ADAMTSL1: variants seen among roughly 807,000 people sequenced by gnomAD.
ADAMTSL1 encodes ADAMTS like 1, also known as ADAMTS-like protein 1.
Under a neutral mutation model 201.8 loss-of-function variants are expected in ADAMTSL1, and 126 were observed. The ratio of observed to expected loss-of-function variants is 0.62; its 90% confidence interval spans 0.54 to 0.72. The LOEUF (loss-of-function observed/expected upper bound fraction) is 0.72, where lower values mean the gene tolerates loss of function less well. ADAMTSL1 is among the 30% of genes least tolerant of loss of function. ADAMTSL1 has a pLI of 0.00. For synonymous variants in ADAMTSL1, 1,121 were observed against 903.4 expected (o/e 1.24, Z -4.32); for missense variants, 2,679 against 2,277.8 (o/e 1.18, Z -3.59).
chr9:18,482,547 C>T (rs1451241450), intron 1 of ADAMTSL1, among the ~76,000 whole-genome samples: 3 of 152,198 alleles, frequency 2.0e-5, no homozygotes, highest in African/African-American at 4.8e-5. Context: ...TAACCTAAGA[C>T]ATCCTGACAT....
intron 2 of ADAMTSL1, among the ~76,000 whole-genome samples, chr9:18,453,276 C>G (rs1436348811): frequency 2.0e-5 from 3 of 152,090 alleles, no homozygotes; most frequent in African/African-American, 7.2e-5. Context: ...GGGTGACAAG[C>G]CTGTGGAGGG....
Position 18,894,340 on chromosome 9 carries a change from C to CTTTTT in ADAMTSL1, c.4851+1746_4851+1747insTTTTT, listed in dbSNP as rs1829478446. Among the ~76,000 whole-genome samples, 10 of 49,868 alleles carry CTTTTT rather than the reference C, an allele frequency of 2.0e-4. 1 individual carries two copies. The highest frequency in any genetic ancestry group is 1.6e-3 in the Admixed American group (10 of 6,156). 32.7% of individuals were successfully genotyped at this position (49,868 alleles called of 152,430 possible). A position where few individuals can be genotyped will look rare whatever the true frequency, so the allele number is the denominator to read the frequency against. ...TCCAGCCTGGGTGACAGAGCAAAAC[C>CTTTTT]TTGTCTTTTTTTTTTTTTTTTGAAA... On this transcript the variant is annotated intron_variant, in intron 26 of 28. Transcript: ENST00000380548.
chr9:18,706,665 G>A, intron 13 of ADAMTSL1, 82 bp from the exon 14 acceptor site: 3 of 1,400,210 alleles, frequency 2.1e-6, no homozygotes, highest in Non-Finnish European at 1.9e-6. Flanking sequence ...CTGGAGGCAG[G>A]TGGGATGCAG....
chr9:18,611,915 G>C (rs1052427968), intron 4 of ADAMTSL1, among the ~76,000 whole-genome samples: 2 of 151,884 alleles, frequency 1.3e-5, no homozygotes, highest in East Asian at 1.9e-4. Flanking sequence ...GTGTGGCTTT[G>C]CCCCAGCCAG....
At chr9:18,907,319 C>G (rs1210797946) in intron 28 of ADAMTSL1, 3 of 204,338 alleles carry the variant, frequency 1.5e-5, no homozygotes, top group African/African-American at 7.1e-5. Flanking sequence ...CTCAGCCAAC[C>G]AGATCTGCGC....
At chr9:17,968,283 T>C (rs2772684) in intron 1 of ADAMTSL1, among the ~76,000 whole-genome samples, 120,626 of 152,036 alleles carry the variant, frequency 0.79, 48,674 homozygotes, top group East Asian at 0.94. Context: ...CTTCTTCAGG[T>C]ATGGATGCAT....
At chr9:18,029,122 A>T (rs1820821712) in intron 1 of ADAMTSL1, among the ~76,000 whole-genome samples, 1 of 152,272 alleles carries the variant, frequency 6.6e-6, no homozygotes, top group Middle Eastern at 3.4e-3. Context: ...ATATCCTGAG[A>T]CTTTGCTGAA....
At chr9:18,447,693 G>A in intron 2 of ADAMTSL1, among the ~76,000 whole-genome samples, 1 of 152,204 alleles carries the variant, frequency 6.6e-6, no homozygotes, top group East Asian at 1.9e-4. Flanking sequence ...CTCTTTGCTA[G>A]ACCCTTTCTG....
intron 1 of ADAMTSL1, among the ~76,000 whole-genome samples, chr9:17,914,472 C>T (rs2131275252): frequency 6.6e-6 from 1 of 152,234 alleles, no homozygotes; most frequent in African/African-American, 2.4e-5. Flanking sequence ...AATTCAGCAA[C>T]CCTTCATGCT....
chr9:18,034,609 A>G (rs1164687551), intron 1 of ADAMTSL1, among the ~76,000 whole-genome samples: 2 of 152,094 alleles, frequency 1.3e-5, no homozygotes, highest in African/African-American at 4.8e-5. Flanking sequence ...ACCAAACCTC[A>G]GTACCATCTG....
chr9:18,083,313 G>A (rs1361640838), intron 1 of ADAMTSL1, among the ~76,000 whole-genome samples: 2 of 152,154 alleles, frequency 1.3e-5, no homozygotes, highest in African/African-American at 2.4e-5. Flanking sequence ...CAGTTCTCAA[G>A]GTTAGAGTTC....
intron 2 of ADAMTSL1, among the ~76,000 whole-genome samples, chr9:18,277,826 G>C (rs1377880987): frequency 6.6e-6 from 1 of 152,060 alleles, no homozygotes. Flanking sequence ...ATTGTTTTCT[G>C]ACTGCTACTT....
chr9:18,105,174 C>A (rs1351925600), intron 1 of ADAMTSL1, among the ~76,000 whole-genome samples: 1 of 152,150 alleles, frequency 6.6e-6, no homozygotes, highest in Non-Finnish European at 1.5e-5. Context: ...GTTGTCTCAC[C>A]TGTAAAACAA....
At chr9:18,758,248 G>T (rs535965016) in intron 16 of ADAMTSL1, among the ~76,000 whole-genome samples, 12 of 152,232 alleles carry the variant, frequency 7.9e-5, no homozygotes, top group Non-Finnish European at 1.6e-4. Flanking sequence ...TTTACTATCT[G>T]CTCTTAACTG....
chr9:18,029,308 A>G (rs1820832185), intron 1 of ADAMTSL1, among the ~76,000 whole-genome samples: 1 of 152,100 alleles, frequency 6.6e-6, no homozygotes, highest in Non-Finnish European at 1.5e-5. Context: ...AGGATTTCCT[A>G]TTTAATAAAT....
chr9:18,574,591 G>C (rs1376329580), intron 4 of ADAMTSL1: 2 of 387,356 alleles, frequency 5.2e-6, no homozygotes, highest in East Asian at 3.6e-5. Flanking sequence ...GTGTGTGTTT[G>C]TGTTTGTGTG....
At position 18,906,749 on chromosome 9, in the gene ADAMTSL1, C is replaced by T. The variant is rs147953826; in HGVS notation, c.5019C>T (p.Ser1673=). 7.2e-3 allele frequency: 11,608 copies of T among 1,613,592 alleles called. 65 individuals are homozygous for T. The highest frequency in any genetic ancestry group is 0.028 in the Middle Eastern group (171 of 6,060). The change falls in exon 28 of 29, where the codon AGC becomes AGT. Residue 1673 remains serine, a synonymous_variant. Coordinates refer to ENST00000380548, the MANE Select transcript of ADAMTSL1 (RefSeq NM_001040272.6). ...SEACSVHWRV[S]LWTLCTATCG... is the part of the protein sequence containing the mutation. ...CCTGCAGTGTACACTGGAGAGTCAG[C>T]CTGTGGACCCTGTGCACAGCTACCT...
At chr9:18,716,516 T>G (rs1237359703) in intron 14 of ADAMTSL1, among the ~76,000 whole-genome samples, 1 of 151,206 alleles carries the variant, frequency 6.6e-6, no homozygotes, top group East Asian at 2.0e-4. Flanking sequence ...ATCAGAGAAA[T>G]GCAAATCAAA....
At position 18,029,776 on chromosome 9, in the gene ADAMTSL1, A is replaced by G. The variant is rs148841468; in HGVS notation, c.87+122854A>G. ...ACTTCTCAAAAGAAGACATGTATGT[A>G]GCCAAAAACACATGAAAAAACGCTC... On this transcript the variant is annotated intron_variant, in intron 1 of 29. Transcript: ENST00000680146. 6.5e-3 allele frequency among the ~76,000 whole-genome samples: 994 copies of G among 152,384 alleles called. 16 individuals are homozygous for G. The highest frequency in any genetic ancestry group is 0.023 in the African/African-American group (954 of 41,590).
Sources: gnomAD v4.1 joint callset for allele counts (sites outside exome capture counted in the v4.1 genomes callset) on GRCh38, gnomAD v4.1.1 for gene constraint, MANE v1.5 for transcripts, NCBI Gene and HGNC (gene_info 2026-07-23, HGNC 2026-07-21) for gene names.